Variants in ACSS3 observed in about 807,000 individuals in gnomAD.
The protein encoded by ACSS3 is acyl-CoA synthetase short chain family member 3.
A neutral mutation model predicts 84.2 loss-of-function variants in ACSS3; 64 were observed. The observed-to-expected ratio is 0.76, with a 90% confidence interval of 0.62 to 0.94. The LOEUF is 0.94. ACSS3 is among the 40% of genes least tolerant of loss of function. The pLI, the probability that ACSS3 is intolerant of heterozygous loss-of-function variation, is 0.00. For synonymous variants in ACSS3, 317 were observed against 310.1 expected (o/e 1.02, Z -0.23); for missense variants, 815 against 867.6 (o/e 0.94, Z 0.76).
At chr12:81,100,396 G>A (rs1882415703) in intron 1 of ACSS3, among the ~76,000 whole-genome samples, 2 of 152,018 alleles carry the variant, frequency 1.3e-5, no homozygotes, top group African/African-American at 2.4e-5. Context: ...CCTCAGTCCT[G>A]TCTCTGAGAG....
chr12:81,205,021 TC>T (rs1167614854), intron 9 of ACSS3, among the ~76,000 whole-genome samples: 1 of 152,158 alleles, frequency 6.6e-6, no homozygotes, highest in Non-Finnish European at 1.5e-5. Context: ...GTGGAGTTCT[TC>T]TATCTTGGTG....
chr12:81,167,848 A>G (rs1435035204), intron 7 of ACSS3, among the ~76,000 whole-genome samples: 1 of 152,230 alleles, frequency 6.6e-6, no homozygotes, highest in African/African-American at 2.4e-5. Flanking sequence ...GCCATGGAGA[A>G]GTCTCACCTT....
chr12:81,213,092 A>G (rs935592405), intron 9 of ACSS3, among the ~76,000 whole-genome samples: 5 of 152,164 alleles, frequency 3.3e-5, no homozygotes, highest in South Asian at 4.1e-4. Flanking sequence ...TATTGTAGCT[A>G]TTTCCCAATT....
intron 9 of ACSS3, among the ~76,000 whole-genome samples, chr12:81,208,970 C>T (rs945164320): frequency 4.6e-5 from 7 of 152,096 alleles, no homozygotes; most frequent in Non-Finnish European, 8.8e-5. Context: ...GAATGACTGT[C>T]CTTTGAATAT....
chr12:81,168,971 T>C (rs1265212357), intron 7 of ACSS3, among the ~76,000 whole-genome samples: 2 of 152,190 alleles, frequency 1.3e-5, no homozygotes, highest in Non-Finnish European at 2.9e-5. Context: ...CAGATTAGAA[T>C]TACTTGGCTG....
At chr12:81,106,996 G>C (rs902549992) in intron 1 of ACSS3, among the ~76,000 whole-genome samples, 9 of 151,994 alleles carry the variant, frequency 5.9e-5, no homozygotes, top group African/African-American at 2.2e-4. Flanking sequence ...ATGGAGCTGT[G>C]GGGGTGGGGG....
At chr12:81,106,684 G>A (rs1883032584) in intron 1 of ACSS3, among the ~76,000 whole-genome samples, 1 of 152,046 alleles carries the variant, frequency 6.6e-6, no homozygotes, top group Admixed American at 6.6e-5. Context: ...AAATATTTTT[G>A]TTGACATATT....
At chr12:81,159,143 A>G (rs1260045074) in intron 7 of ACSS3, among the ~76,000 whole-genome samples, 2 of 152,210 alleles carry the variant, frequency 1.3e-5, no homozygotes, top group Admixed American at 6.5e-5. Context: ...GTCAGGTTAT[A>G]TGTTTTATAG....
intron 1 of ACSS3, among the ~76,000 whole-genome samples, chr12:81,095,076 C>T (rs1475100104): frequency 6.6e-6 from 1 of 152,108 alleles, no homozygotes; most frequent in Non-Finnish European, 1.5e-5. Flanking sequence ...CCCTCCATTC[C>T]ACTCCCTCCT....
chr12:81,107,848 G>A (rs12817088), intron 1 of ACSS3, among the ~76,000 whole-genome samples: 1 of 151,512 alleles, frequency 6.6e-6, no homozygotes, highest in African/African-American at 2.4e-5. Context: ...CCACCTGCAG[G>A]TGTTCATTCT....
rs141093637 is a variant in ACSS3 at position 81,106,449 on chromosome 12, T to A, written c.312-3111T>A. Among the ~76,000 whole-genome samples the A allele has an allele frequency of 6.4e-3, 970 of 152,294 alleles. 12 individuals carry two copies. The highest frequency in any genetic ancestry group is 0.022 in the African/African-American group (930 of 41,564). On this transcript the variant is annotated intron_variant, in intron 1 of 15. Coordinates refer to ENST00000548058, the MANE Select transcript of ACSS3 (RefSeq NM_024560.4). ...TATGGTGAGTTGTATAATTATTTCA[T>A]TATATGTTATAATGTAATAATAATA...
intron 11 of ACSS3, among the ~76,000 whole-genome samples, chr12:81,221,459 G>A (rs1028510092): frequency 1.4e-4 from 22 of 152,082 alleles, no homozygotes; most frequent in Admixed American, 2.0e-4. Context: ...ATGGAAAACA[G>A]TAGTTAAAAA....
chr12:81,182,622 A>T (rs1014432780), intron 8 of ACSS3, among the ~76,000 whole-genome samples: 4 of 152,214 alleles, frequency 2.6e-5, no homozygotes, highest in African/African-American at 9.6e-5. Context: ...GGAGGAGCAT[A>T]AAAATCTAGA....
intron 3 of ACSS3, among the ~76,000 whole-genome samples, chr12:81,135,743 T>C (rs1593113175): frequency 6.6e-6 from 1 of 152,018 alleles, no homozygotes; most frequent in Admixed American, 6.6e-5. Flanking sequence ...GGGTGACAAG[T>C]ACCCTAAAAG....
intron 11 of ACSS3, 81 bp from the exon 12 acceptor site, chr12:81,230,976 C>A: frequency 9.7e-7 from 1 of 1,029,886 alleles, no homozygotes; most frequent in Non-Finnish European, 1.5e-6. Context: ...TTATCTGTCA[C>A]AGTAGAAAAA....
chr12:81,096,547 T>C (rs1331479423), intron 1 of ACSS3, among the ~76,000 whole-genome samples: 3 of 152,196 alleles, frequency 2.0e-5, no homozygotes, highest in African/African-American at 4.8e-5. Flanking sequence ...TAGGTATACA[T>C]GTGCCATGTG....
At chr12:81,239,336 A>G (rs1259576874) in intron 13 of ACSS3, among the ~76,000 whole-genome samples, 1 of 152,034 alleles carries the variant, frequency 6.6e-6, no homozygotes, top group Non-Finnish European at 1.5e-5. Context: ...TCATTCAACA[A>G]TTTCATTCAG....
chr12:81,207,409 A>G (rs1378161879), intron 9 of ACSS3, among the ~76,000 whole-genome samples: 6 of 152,158 alleles, frequency 3.9e-5, no homozygotes, highest in African/African-American at 7.2e-5. Flanking sequence ...AGAATCCAGT[A>G]GGACTGCCTT....
At chr12:81,138,954 G>A (rs1424276334) in intron 3 of ACSS3, among the ~76,000 whole-genome samples, 177 bp from the exon 4 acceptor site, 1 of 152,190 alleles carries the variant, frequency 6.6e-6, no homozygotes, top group African/African-American at 2.4e-5. Flanking sequence ...TTGTGTAGAA[G>A]TGATCAAGTC....
Sources: allele counts gnomAD v4.1 joint callset (sites outside exome capture counted in the v4.1 genomes callset), GRCh38; gene constraint gnomAD v4.1.1; transcripts MANE v1.5; gene names NCBI Gene and HGNC (gene_info 2026-07-23, HGNC 2026-07-21).